The following FREM2 variants were observed in gnomAD, a reference collection of about 807,000 sequenced individuals.
FREM2 encodes the protein FRAS1-related extracellular matrix protein 2.
Under a neutral mutation model 219.9 loss-of-function variants are expected in FREM2, and 119 were observed. The ratio of observed to expected loss-of-function variants is 0.54; its 90% CI spans 0.47 to 0.63. The LOEUF is 0.63. FREM2 is among the 30% of genes least tolerant of loss of function. The probability of loss-of-function intolerance (pLI) is 0.00; values close to 1 mark genes in which losing one functional copy is unlikely to be tolerated. For missense variants in FREM2, 4,030 were observed against 3,993.6 expected (o/e 1.01, Z -0.25); for synonymous variants, 1,562 against 1,522.8 (o/e 1.03, Z -0.60).
At position 38,690,027 on chromosome 13, in the gene FREM2, A is replaced by G. The variant is rs1869746132; in HGVS notation, c.2683A>G (p.Ile895Val). ...AGGGGGTCTCTTCCACTTGGAGGAC[A>G]TAAAACAGGGCCGAGTTTCCTATGC... Reference protein sequence around the residue: ...HVGGLFHLEDIKQGRVSYAHN... With the variant: ...HVGGLFHLEDVKQGRVSYAHN... Residue 895 changes from isoleucine to valine, a missense_variant, in exon 1 of 24, where the codon ATA becomes GTA. Ile to Val is a conservative substitution (Grantham distance 29). This residue lies in a region of FREM2 where 3,102 missense variants were observed against 2,950.7 expected (regional missense o/e 1.05). Coordinates refer to ENST00000280481, the MANE Select transcript of FREM2 (RefSeq NM_207361.6). 2 of 1,614,012 alleles carry G rather than the reference A, an allele frequency of 1.2e-6. No individual in the cohort carries two copies. The highest frequency in any genetic ancestry group is 1.3e-5 in the African/African-American group (1 of 75,056).
chr13:38,788,402 T>C (rs1249958336), intron 6 of FREM2, among the ~76,000 whole-genome samples: 2 of 152,108 alleles, frequency 1.3e-5, no homozygotes, highest in African/African-American at 4.8e-5. Context: ...CTGTACCTTA[T>C]CCACTGCTGC....
Position 38,880,775 on chromosome 13 carries a change from C to T in FREM2, c.9498C>T (p.Ser3166=). The T allele has an allele frequency of 1.9e-6, 3 of 1,614,152 alleles. No individual in the cohort carries two copies. In the Admixed American group the frequency reaches 5.0e-5, roughly 27 times the overall value. The part of the protein sequence containing the change: ...MVPPQSHHND[S]SEV Reference sequence around the variant, plus strand: ...CCCCACAGAGCCATCACAATGACAGCTCAGAAGTTTGATGACTGCAGGTAG... The same window carrying T: ...CCCCACAGAGCCATCACAATGACAGTTCAGAAGTTTGATGACTGCAGGTAG... The change falls in exon 24 of 24, where the codon AGC becomes AGT. Residue 3166 remains serine (S), a synonymous_variant. Coordinates refer to ENST00000280481, the MANE Select transcript of FREM2 (RefSeq NM_207361.6).
chr13:38,857,063 G>A (rs758590233), intron 12 of FREM2, among the ~76,000 whole-genome samples: 1 of 152,046 alleles, frequency 6.6e-6, no homozygotes, highest in Non-Finnish European at 1.5e-5. Flanking sequence ...TCAAGTATGG[G>A]CAATCTTTAT....
Position 38,690,384 on chromosome 13 carries a change from G to T in FREM2, c.3040G>T (p.Val1014Phe). 1 of 1,614,218 alleles carries T rather than the reference G, an allele frequency of 6.2e-7. No homozygotes were observed. The highest frequency in any genetic ancestry group is 8.5e-7 in the Non-Finnish European group (1 of 1,180,038). The change falls in exon 1 of 24, where the codon GTT becomes TTT. Residue 1014 changes from valine to phenylalanine, a missense_variant. Physicochemically the swap from Val to Phe is conservative, Grantham distance 50 (BLOSUM62 -1). Transcript: ENST00000280481. ...FTQRDILEGS[V>F]VYTHTSGEIG... ...TCAAAGGGACATCTTGGAGGGCTCTGTTGTATATACCCACACCAGTGGTGA... is the reference window on the plus strand; with the variant it reads ...TCAAAGGGACATCTTGGAGGGCTCTTTTGTATATACCCACACCAGTGGTGA...
chr13:38,769,058 C>T (rs1873551429), intron 3 of FREM2, among the ~76,000 whole-genome samples: 1 of 152,152 alleles, frequency 6.6e-6, no homozygotes, highest in Admixed American at 6.5e-5. Flanking sequence ...GATCTTAGTT[C>T]CATTAAGTGC....
rs1872859918 is a variant in FREM2, at chr13:38,753,486, C to T, written c.5264-10818C>T. Among the ~76,000 whole-genome samples, 4 of 152,198 alleles carry T rather than the reference C, an allele frequency of 2.6e-5. No homozygotes were observed. The South Asian group carries it at 8.3e-4, about 31-fold the overall frequency. On this transcript the variant is annotated intron_variant, in intron 2 of 23. Transcript: ENST00000280481. ...GATGGAATCCAGCATTCATTCTGCTCTAAAATGCTTGGCATCCGTTTATAT... is the reference window on the plus strand; with the variant it reads ...GATGGAATCCAGCATTCATTCTGCTTTAAAATGCTTGGCATCCGTTTATAT...
At chr13:38,707,163 G>A (rs1870575015) in intron 2 of FREM2, among the ~76,000 whole-genome samples, 1 of 152,040 alleles carries the variant, frequency 6.6e-6, no homozygotes, top group Admixed American at 6.6e-5. Context: ...TTTCACTGAG[G>A]GAATATTATG....
At chr13:38,778,791 A>T (rs574091809) in intron 4 of FREM2, among the ~76,000 whole-genome samples, 12 of 148,032 alleles carry the variant, frequency 8.1e-5, no homozygotes, top group African/African-American at 2.7e-4. Flanking sequence ...CCCTGAACTT[A>T]AAAAAAAAGT....
intron 6 of FREM2, among the ~76,000 whole-genome samples, chr13:38,804,221 A>G (rs1048217228): frequency 3.9e-5 from 6 of 151,940 alleles, no homozygotes; most frequent in African/African-American, 1.2e-4. Flanking sequence ...ATAGTTGATG[A>G]TTCTAACAAT....
At chr13:38,750,319 G>A (rs183596610) in intron 2 of FREM2, among the ~76,000 whole-genome samples, 1 of 152,238 alleles carries the variant, frequency 6.6e-6, no homozygotes, top group East Asian at 1.9e-4. Flanking sequence ...TGGGTCTCAC[G>A]AGATCCGATG....
chr13:38,840,636 A>ATG (rs1555271112), intron 6 of FREM2, among the ~76,000 whole-genome samples: 1 of 145,890 alleles, frequency 6.9e-6, no homozygotes, highest in African/African-American at 2.7e-5. Flanking sequence ...ATATATATAT[A>ATG]TATATATATG....
chr13:38,848,326 T>C, intron 7 of FREM2, 135 bp from the exon 8 acceptor site: 1 of 711,548 alleles, frequency 1.4e-6, no homozygotes, highest in Middle Eastern at 3.3e-4. Flanking sequence ...TTTTATTAAA[T>C]GTACTTTTCT....
At chr13:38,755,574 T>G (rs1392225037) in intron 2 of FREM2, among the ~76,000 whole-genome samples, 1 of 152,148 alleles carries the variant, frequency 6.6e-6, no homozygotes. Flanking sequence ...CACTACACTT[T>G]GAATCCCTAC....
chr13:38,847,927 A>G (rs922997809), intron 7 of FREM2, among the ~76,000 whole-genome samples: 2 of 152,166 alleles, frequency 1.3e-5, no homozygotes, highest in African/African-American at 2.4e-5. Context: ...AGCTTCTCTC[A>G]TTGCCTGGGA....
chr13:38,726,267 C>T (rs1393321234), intron 2 of FREM2, among the ~76,000 whole-genome samples: 1 of 152,004 alleles, frequency 6.6e-6, no homozygotes, highest in Non-Finnish European at 1.5e-5. Flanking sequence ...TTATCTGGTA[C>T]CGGGCCCTGA....
chr13:38,797,237 C>A lies in FREM2; in HGVS notation c.6019+12429C>A, dbSNP rs111888752. Among the ~76,000 whole-genome samples the A allele has an allele frequency of 8.0e-3, 1,217 of 151,968 alleles. 12 individuals carry two copies. The highest frequency in any genetic ancestry group is 0.028 in the African/African-American group (1,173 of 41,458). On this transcript the variant is annotated intron_variant, in intron 6 of 23. Coordinates refer to ENST00000280481, the MANE Select transcript of FREM2 (RefSeq NM_207361.6). ...CATTTCCACCAAGAGGGTGTGAGTT[C>A]TCTTTTGTCCGCATCCTCACCTGCT...
chr13:38,692,762 G>A (rs1869949827), intron 1 of FREM2, among the ~76,000 whole-genome samples: 1 of 152,204 alleles, frequency 6.6e-6, no homozygotes, highest in African/African-American at 2.4e-5. Flanking sequence ...GGCTGCCGAA[G>A]CAGGAGGTGA....
In FREM2 at chr13:38,859,461, A is replaced by G. The variant is rs1301860471; in HGVS notation, c.7390A>G (p.Met2464Val). ...DFDTFFTSSK[M>V]VTLDSIYFQP... is the part of the protein sequence containing the mutation. ...CGACACCTTTTTTACGTCATCCAAGATGGTCACACTGGACTCCATATACTT... is the reference window on the plus strand; with the variant it reads ...CGACACCTTTTTTACGTCATCCAAGGTGGTCACACTGGACTCCATATACTT... Residue 2464 changes from methionine (M) to valine (V), a missense_variant, in exon 14 of 24, where the codon ATG becomes GTG. Met to Val is a conservative substitution (Grantham distance 21). This residue lies in a region of FREM2 where 928 missense variants were observed against 1,042.9 expected (regional missense o/e 0.89). Coordinates refer to ENST00000280481, the MANE Select transcript of FREM2 (RefSeq NM_207361.6). 3 of 1,613,978 alleles carry G rather than the reference A, an allele frequency of 1.9e-6. No individual in the cohort carries two copies. The highest frequency in any genetic ancestry group is 2.7e-5 in the African/African-American group (2 of 74,894).
intron 4 of FREM2, among the ~76,000 whole-genome samples, chr13:38,781,297 A>G (rs997580711): frequency 2.6e-5 from 4 of 151,938 alleles, no homozygotes; most frequent in Admixed American, 6.6e-5. Context: ...TTTTATTACT[A>G]CCTTCCAATC....
Sources: allele counts gnomAD v4.1 joint callset (sites outside exome capture counted in the v4.1 genomes callset), GRCh38; gene constraint gnomAD v4.1.1; regional missense constraint gnomAD v4.1.1; transcripts MANE v1.5; gene names NCBI Gene and HGNC (gene_info 2026-07-23, HGNC 2026-07-21).